AKAP1: variants seen among roughly 807,000 people sequenced by gnomAD.
AKAP1 encodes the protein A-kinase anchor protein 1, mitochondrial.
In AKAP1, 32 loss-of-function variants were observed where a neutral mutation model predicts 79.8. The observed-to-expected ratio is 0.40, with a 90% CI of 0.30 to 0.54. AKAP1 has a LOEUF of 0.54. Among genes scored for constraint, AKAP1 ranks in the 20% least tolerant of loss-of-function variants. The probability of loss-of-function intolerance (pLI) is 0.47; values close to 1 mark genes in which losing one functional copy is unlikely to be tolerated. For missense variants in AKAP1, 961 were observed against 1,138.9 expected (o/e 0.84, Z 2.25); for synonymous variants, 416 against 466.7 (o/e 0.89, Z 1.40).
At chr17:57,113,948 G>C (rs184134809) in intron 5 of AKAP1, among the ~76,000 whole-genome samples, 47 of 152,270 alleles carry the variant, frequency 3.1e-4, no homozygotes, top group Admixed American at 2.5e-3. Context: ...CGTAGATGCT[G>C]TCAGACCATA....
At position 57,118,379 on chromosome 17, in the gene AKAP1, AGACGAT is replaced by A. The variant is rs768724412; in HGVS notation, c.2503_2508del (p.Asp835_Asp836del). The A allele has an allele frequency of 6.2e-7, 1 of 1,613,848 alleles. No individual in the cohort carries two copies. Among genetic ancestry groups the A allele is most frequent in the East Asian group, 2.2e-5 (1 of 44,866 alleles). On this transcript the variant is annotated splice_acceptor_variant and coding_sequence_variant, in exon 9 of 11. Coordinates refer to ENST00000337714, the MANE Select transcript of AKAP1 (RefSeq NM_003488.4). LOFTEE classifies it high-confidence loss of function. ...ATGCCGCTTTTCCTTTTCCTCCTGA[AGACGAT>A]GACCAGTTTTCACCGGAAGCAGATG...
chr17:57,115,005 G>A (rs1488237897), intron 6 of AKAP1, among the ~76,000 whole-genome samples: 1 of 151,396 alleles, frequency 6.6e-6, no homozygotes, highest in Admixed American at 6.6e-5. Flanking sequence ...GTTGAATACT[G>A]TATGTATTAC....
In AKAP1 at chr17:57,110,165, G is replaced by A. The variant is rs1192493277; in HGVS notation, c.1848+7G>A. The A allele has an allele frequency of 4.3e-6, 7 of 1,613,548 alleles. No homozygotes were observed. The highest frequency in any genetic ancestry group is 1.3e-5 in the African/African-American group (1 of 74,930). ...GGAGATCGAGGTGCCAAAGGTAGGG[G>A]CGGAGTCCCCCAGGCTGGTTCTGTG... On this transcript the variant is annotated splice_region_variant and intron_variant, in intron 3 of 10. Coordinates refer to ENST00000337714, the MANE Select transcript of AKAP1 (RefSeq NM_003488.4).
chr17:57,120,067 C>T (rs952673673), intron 10 of AKAP1, among the ~76,000 whole-genome samples, 183 bp from the exon 11 acceptor site: 1 of 151,982 alleles, frequency 6.6e-6, no homozygotes, highest in Admixed American at 6.6e-5. Context: ...CTCAGGTGAT[C>T]CACCTGCCTC....
Position 57,107,134 on chromosome 17 carries a change from C to T in AKAP1, c.1670C>T (p.Ala557Val). The change falls in exon 2 of 11, where the codon GCT becomes GTT. Residue 557 changes from alanine to valine, a missense_variant. Physicochemically the swap from Ala to Val is moderately conservative, Grantham distance 64 (BLOSUM62 0). Coordinates refer to ENST00000337714, the MANE Select transcript of AKAP1 (RefSeq NM_003488.4). The stretch of plus-strand genomic sequence containing the variant: ...AAGGGGGAGTTGTCAGACTTGGGGG[C>T]TGAGGATGGATGGACCATGGATGCG... ...VLKGELSDLG[A>V]EDGWTMDAEA... 6.2e-7 allele frequency: 1 copy of T among 1,613,452 alleles called. No individual in the cohort carries two copies. Among genetic ancestry groups the T allele is most frequent in the South Asian group, 1.1e-5 (1 of 90,996 alleles).
At chr17:57,103,686 T>C (rs1011756752) in intron 1 of AKAP1, among the ~76,000 whole-genome samples, 1 of 152,220 alleles carries the variant, frequency 6.6e-6, no homozygotes, top group Non-Finnish European at 1.5e-5. Context: ...TTTTTGGTTT[T>C]AAAAAGACAT....
chr17:57,105,703 A>G lies in AKAP1; in HGVS notation c.239A>G (p.Lys80Arg), dbSNP rs148312142. Residue 80 changes from lysine (K) to arginine (R), a missense_variant, in exon 2 of 11, where the codon AAG becomes AGG. This residue lies in a region of AKAP1 where 108 missense variants were observed against 147.6 expected (regional missense o/e 0.73). Coordinates refer to ENST00000337714, the MANE Select transcript of AKAP1 (RefSeq NM_003488.4). The part of the protein sequence containing the change: ...TPPSVTEPPE[K>R]ELSTVSKLPA... ...CCCAGTGTCACAGAGCCTCCAGAAAAGGAACTGTCCACCGTGAGCAAGCTG... is the reference window on the plus strand; with the variant it reads ...CCCAGTGTCACAGAGCCTCCAGAAAGGGAACTGTCCACCGTGAGCAAGCTG... 6.8e-5 allele frequency: 109 copies of G among 1,614,156 alleles called. No individual in the cohort carries two copies. In the East Asian group the frequency reaches 2.4e-3, roughly 36 times the overall value.
rs1018543158 is a variant in AKAP1, at chr17:57,085,311, G to T, written c.-112G>T. On this transcript the variant is annotated 5_prime_UTR_variant, in exon 1 of 11. Coordinates refer to ENST00000337714, the MANE Select transcript of AKAP1 (RefSeq NM_003488.4). ...CGTGGGGGAGCTGCGGAAGCGCGGC[G>T]CTGCGGGCCGGGCCGCGGGGCACAG... The T allele has an allele frequency of 1.3e-5, 2 of 151,374 alleles. No individual in the cohort carries two copies. Among genetic ancestry groups the T allele is most frequent in the Admixed American group, 6.6e-5 (1 of 15,184 alleles). 9.4% of individuals were successfully genotyped at this position (151,374 alleles called of 1,614,324 possible).
At position 57,107,198 on chromosome 17, in the gene AKAP1, G is replaced by T; in HGVS notation, c.1714+20G>T. 1 of 1,573,450 alleles carries T rather than the reference G, an allele frequency of 6.4e-7. No homozygotes were observed. The highest frequency in any genetic ancestry group is 1.2e-5 in the South Asian group (1 of 85,908). On this transcript the variant is annotated intron_variant, in intron 2 of 10. Transcript: ENST00000337714. ...CAGGAGGTAGGAGGGTCTCGGGTTC[G>T]TTTAGAGGATGGGGCGCTCCCAGTA...
At chr17:57,098,439 A>T (rs1914258294) in intron 1 of AKAP1, 1 of 152,122 alleles carries the variant, frequency 6.6e-6, no homozygotes, top group South Asian at 2.1e-4. Context: ...GGCTTTGGGG[A>T]CTACTGTGAT....
At chr17:57,091,587 G>T (rs1913787234) in intron 1 of AKAP1, among the ~76,000 whole-genome samples, 1 of 152,308 alleles carries the variant, frequency 6.6e-6, no homozygotes, top group Non-Finnish European at 1.5e-5. Flanking sequence ...GGGAGCTGGG[G>T]AGCTAGGTGT....
intron 1 of AKAP1, among the ~76,000 whole-genome samples, chr17:57,090,179 C>A (rs1254667236): frequency 9.9e-5 from 15 of 152,104 alleles, no homozygotes; most frequent in Admixed American, 9.8e-4. Context: ...CCAGATGCCC[C>A]CTCTTCTAGT....
chr17:57,116,966 A>T lies in AKAP1; in HGVS notation c.2500+39A>T, dbSNP rs373446786. 4.9e-4 allele frequency: 783 copies of T among 1,590,382 alleles called. 12 individuals carry two copies. In the South Asian group the frequency reaches 8.2e-3, roughly 17 times the overall value. ...CCTTTGGCTTGGGGGATTGTTGGGG[A>T]CAGTTGTTGAGAGTAGGTCTTTCTC... On this transcript the variant is annotated intron_variant, in intron 8 of 10. Transcript: ENST00000337714.
chr17:57,111,646 T>C, intron 3 of AKAP1, 152 bp from the exon 4 acceptor site: 1 of 950,160 alleles, frequency 1.1e-6, no homozygotes, highest in Non-Finnish European at 1.6e-6. Context: ...TGAGTAAATG[T>C]AAGTGCTTAG....
chr17:57,102,781 T>G (rs1914606124), intron 1 of AKAP1, among the ~76,000 whole-genome samples: 1 of 152,130 alleles, frequency 6.6e-6, no homozygotes, highest in Admixed American at 6.6e-5. Context: ...CTCCTTGAGC[T>G]ATTTTAACCT....
In AKAP1 at chr17:57,114,437, C is replaced by T. The variant is rs569418381; in HGVS notation, c.2104-22C>T. 39 of 1,610,618 alleles carry T rather than the reference C, an allele frequency of 2.4e-5. No individual in the cohort carries two copies. The East Asian group carries it at 3.3e-4, about 14-fold the overall frequency. ...AGATAAGAAGGATTGTTTCAGTGACCGCTCCCCCTTCCCCTCTACAGCTCA... is the reference window on the plus strand; with the variant it reads ...AGATAAGAAGGATTGTTTCAGTGACTGCTCCCCCTTCCCCTCTACAGCTCA... On this transcript the variant is annotated intron_variant, in intron 5 of 10. Coordinates refer to ENST00000337714, the MANE Select transcript of AKAP1 (RefSeq NM_003488.4).
chr17:57,088,306 G>T (rs1473019558), intron 1 of AKAP1, among the ~76,000 whole-genome samples: 3 of 152,164 alleles, frequency 2.0e-5, no homozygotes, highest in Non-Finnish European at 1.5e-5. Flanking sequence ...TTGAAGCTTG[G>T]GCTGTGGAAA....
At chr17:57,100,820 A>T (rs1013815246) in intron 1 of AKAP1, among the ~76,000 whole-genome samples, 22 of 151,962 alleles carry the variant, frequency 1.4e-4, no homozygotes, top group East Asian at 1.9e-4. Flanking sequence ...CTTTTTTTTT[A>T]AATTATTTTT....
At chr17:57,088,524 T>G (rs1597954799) in intron 1 of AKAP1, among the ~76,000 whole-genome samples, 1 of 152,218 alleles carries the variant, frequency 6.6e-6, no homozygotes, top group South Asian at 2.1e-4. Flanking sequence ...TCAGTGGCTG[T>G]CACACAAATT....
Sources: allele counts gnomAD v4.1 joint callset (sites outside exome capture counted in the v4.1 genomes callset), GRCh38; gene constraint gnomAD v4.1.1; regional missense constraint gnomAD v4.1.1; transcripts MANE v1.5; gene names NCBI Gene and HGNC (gene_info 2026-07-23, HGNC 2026-07-21).